CCNY: variants seen among roughly 807,000 people sequenced by gnomAD.
CCNY encodes cyclin Y, also known as cyclin-Y.
Under a neutral mutation model 42.8 loss-of-function variants are expected in CCNY, and 19 were observed. The ratio of observed to expected loss-of-function variants is 0.44; its 90% CI spans 0.31 to 0.65. The LOEUF (loss-of-function observed/expected upper bound fraction) is 0.65, where lower values mean the gene tolerates loss of function less well. Ranked by LOEUF, CCNY falls within the 30% of genes least tolerant of loss-of-function variation. CCNY has a pLI of 0.07. For synonymous variants in CCNY, 165 were observed against 162.7 expected, an observed-to-expected ratio of 1.01 and a Z score of -0.11; for missense variants, 370 against 437.3, an observed-to-expected ratio of 0.85 and a Z score of 1.37.
chr10:35,370,119 A>G (rs745327497), intron 1 of CCNY, among the ~76,000 whole-genome samples: 18 of 152,010 alleles, frequency 1.2e-4, no homozygotes, highest in Non-Finnish European at 2.2e-4. Flanking sequence ...ATATGCATAT[A>G]CATGTACAGT....
intron 2 of CCNY, among the ~76,000 whole-genome samples, chr10:35,491,357 C>T (rs962800978): frequency 4.6e-5 from 7 of 152,232 alleles, no homozygotes; most frequent in Non-Finnish European, 7.3e-5. Flanking sequence ...GAGCCCTCAG[C>T]AATGTCTGCT....
At chr10:35,381,787 T>A (rs956951671) in intron 1 of CCNY, among the ~76,000 whole-genome samples, 1 of 152,218 alleles carries the variant, frequency 6.6e-6, no homozygotes, top group Non-Finnish European at 1.5e-5. Flanking sequence ...AGATTTGAAA[T>A]AAATGATAGT....
chr10:35,522,889 C>A (rs1049862231), intron 4 of CCNY, among the ~76,000 whole-genome samples: 1 of 152,188 alleles, frequency 6.6e-6, no homozygotes, highest in African/African-American at 2.4e-5. Flanking sequence ...ACCGGTGAGG[C>A]CCCCAGTGGA....
At chr10:35,281,741 T>C (rs921273548) in intron 3 of CCNY, among the ~76,000 whole-genome samples, 1 of 152,108 alleles carries the variant, frequency 6.6e-6, no homozygotes, top group African/African-American at 2.4e-5. Context: ...TACCGTGGAA[T>C]AGTATTCAGC....
intron 7 of CCNY, among the ~76,000 whole-genome samples, chr10:35,544,713 T>G (rs1841076401): frequency 6.6e-6 from 1 of 152,188 alleles, no homozygotes; most frequent in Non-Finnish European, 1.5e-5. Flanking sequence ...CCACCTTGTT[T>G]GTACACCTTG....
At chr10:35,331,598 C>A (rs912444377), upstream of CCNY, among the ~76,000 whole-genome samples, 2 of 152,200 alleles carry the variant, frequency 1.3e-5, no homozygotes, top group African/African-American at 4.8e-5. Context: ...TGGTGGCTCC[C>A]TTCTCGGCTA....
Position 35,505,551 on chromosome 10 carries a change from C to T in CCNY, c.264+4016C>T, listed in dbSNP as rs536912130. Among the ~76,000 whole-genome samples the T allele has an allele frequency of 2.6e-5, 4 of 152,262 alleles. No homozygotes were observed. In the East Asian group the frequency reaches 7.7e-4, roughly 29 times the overall value. ...TTAGTGGGACTTGGAGCCAAAAGAA[C>T]TTTGTTCAAACCCTCGTTCTGCCAC... is the stretch of plus-strand genomic sequence containing the variant. On this transcript the variant is annotated intron_variant, in intron 3 of 9. Coordinates refer to ENST00000374704, the MANE Select transcript of CCNY (RefSeq NM_145012.6).
At chr10:35,349,069 G>A (rs1349184729) in intron 1 of CCNY, among the ~76,000 whole-genome samples, 1 of 152,062 alleles carries the variant, frequency 6.6e-6, no homozygotes, top group Non-Finnish European at 1.5e-5. Flanking sequence ...AAAATAGAGG[G>A]CCGCCTTTTT....
At chr10:35,439,388 TCTG>T (rs1265118569) in intron 1 of CCNY, among the ~76,000 whole-genome samples, 2 of 152,232 alleles carry the variant, frequency 1.3e-5, no homozygotes, top group Non-Finnish European at 2.9e-5. Flanking sequence ...TTTCTTCTGT[TCTG>T]CTGTTGAGCA....
At chr10:35,425,290 A>C (rs1838242622) in intron 1 of CCNY, among the ~76,000 whole-genome samples, 1 of 152,214 alleles carries the variant, frequency 6.6e-6, no homozygotes, top group African/African-American at 2.4e-5. Flanking sequence ...ATAGGCCTGA[A>C]GATTATTGCA....
chr10:35,333,497 A>C (rs1835969965), upstream of CCNY, among the ~76,000 whole-genome samples: 1 of 152,170 alleles, frequency 6.6e-6, no homozygotes, highest in African/African-American at 2.4e-5. Flanking sequence ...GAAGGAGAGA[A>C]GTGACACTTG....
At chr10:35,301,744 C>T (rs1446619246) in intron 3 of CCNY, among the ~76,000 whole-genome samples, 1 of 152,114 alleles carries the variant, frequency 6.6e-6, no homozygotes, top group Admixed American at 6.6e-5. Context: ...ATCCTCCTGC[C>T]TCAGCCTCCT....
At chr10:35,489,965 A>C (rs1454995888) in intron 2 of CCNY, among the ~76,000 whole-genome samples, 2 of 152,200 alleles carry the variant, frequency 1.3e-5, no homozygotes, top group East Asian at 3.9e-4. Flanking sequence ...GAATAAATCT[A>C]GGCCTAATCT....
At chr10:35,492,477 A>C in intron 2 of CCNY, among the ~76,000 whole-genome samples, 1 of 152,054 alleles carries the variant, frequency 6.6e-6, no homozygotes, top group East Asian at 1.9e-4. Context: ...TTTCTTTCTT[A>C]GTGACACATA....
intron 3 of CCNY, among the ~76,000 whole-genome samples, chr10:35,303,784 A>C (rs1835568452): frequency 6.6e-6 from 1 of 150,464 alleles, no homozygotes; most frequent in Non-Finnish European, 1.5e-5. Context: ...TCTCAAAAAA[A>C]AAAAAAAAAA....
chr10:35,562,342 C>G (rs1173359648), intron 8 of CCNY, among the ~76,000 whole-genome samples: 1 of 152,150 alleles, frequency 6.6e-6, no homozygotes, highest in African/African-American at 2.4e-5. Flanking sequence ...TGATTGTAGC[C>G]ATTTTTAAGT....
At chr10:35,377,039 A>G (rs1289528567) in intron 1 of CCNY, among the ~76,000 whole-genome samples, 1 of 152,230 alleles carries the variant, frequency 6.6e-6, no homozygotes, top group East Asian at 1.9e-4. Context: ...GCACCACATA[A>G]TGATGTTTTG....
chr10:35,530,320 A>G lies in CCNY; in HGVS notation c.579+77A>G. On this transcript the variant is annotated intron_variant, in intron 7 of 9. Coordinates refer to ENST00000374704, the MANE Select transcript of CCNY (RefSeq NM_145012.6). This position sits in a 1 kb window ranked among gnomAD's most constrained non-coding sequence, Gnocchi z 4.3. ...CCCGTTCCTGTTACTCAGCGGAGTG[A>G]GGTTGGAGCAGGGAATCCTCACCAG... is the stretch of plus-strand genomic sequence containing the variant. The G allele has an allele frequency of 6.4e-7, 1 of 1,574,554 alleles. No individual in the cohort carries two copies. Among genetic ancestry groups the G allele is most frequent in the East Asian group, 2.3e-5 (1 of 43,988 alleles).
intron 3 of CCNY, among the ~76,000 whole-genome samples, chr10:35,299,345 C>T (rs1835507108): frequency 6.6e-6 from 1 of 152,232 alleles, no homozygotes; most frequent in African/African-American, 2.4e-5. Context: ...CTATTTCTAT[C>T]AATACAAGAG....
Sources: gnomAD v4.1 joint callset for allele counts (sites outside exome capture counted in the v4.1 genomes callset) on GRCh38, gnomAD v4.1.1 for gene constraint, Gnocchi (gnomAD v3.1) non-coding constraint, MANE v1.5 for transcripts, NCBI Gene and HGNC (gene_info 2026-07-23, HGNC 2026-07-21) for gene names.